Variants in MGAT5 observed in about 807,000 individuals in gnomAD.
The protein encoded by MGAT5 is alpha-1,6-mannosylglycoprotein 6-beta-N-acetylglucosaminyltransferase.
A neutral mutation model predicts 94.3 loss-of-function variants in MGAT5; 30 were observed. That is an observed-to-expected ratio of 0.32 (90% CI 0.24 to 0.43). The LOEUF (loss-of-function observed/expected upper bound fraction) is 0.43. Among genes scored for constraint, MGAT5 ranks in the 20% least tolerant of loss-of-function variants. MGAT5 has a pLI of 1.00. For synonymous variants in MGAT5, 310 were observed against 322.9 expected (o/e 0.96, Z 0.43); for missense variants, 691 against 905.5 (o/e 0.76, Z 3.04).
chr2:134,190,733 C>T (rs1689325592), intron 1 of MGAT5, among the ~76,000 whole-genome samples: 1 of 152,086 alleles, frequency 6.6e-6, no homozygotes, highest in African/African-American at 2.4e-5. Flanking sequence ...CAGCCTCAAC[C>T]TCCCCAGGCT....
chr2:134,332,913 A>G (rs1178330025), intron 4 of MGAT5, among the ~76,000 whole-genome samples: 23 of 152,246 alleles, frequency 1.5e-4, no homozygotes, highest in Admixed American at 1.3e-3. Flanking sequence ...TAGAATGGCA[A>G]TCATTAAAAA....
At chr2:134,248,494 G>A (rs1333899858) in intron 1 of MGAT5, among the ~76,000 whole-genome samples, 2 of 152,214 alleles carry the variant, frequency 1.3e-5, no homozygotes, top group African/African-American at 4.8e-5. Context: ...TTGGAGGCTG[G>A]AGATGTGGGT....
At chr2:134,263,316 G>A (rs1390127367) in intron 1 of MGAT5, among the ~76,000 whole-genome samples, 1 of 152,140 alleles carries the variant, frequency 6.6e-6, no homozygotes, top group East Asian at 1.9e-4. Flanking sequence ...ATCATCAACA[G>A]GCCTAGAAAG....
chr2:134,208,982 G>A (rs995679345), intron 1 of MGAT5, among the ~76,000 whole-genome samples: 8 of 152,158 alleles, frequency 5.3e-5, no homozygotes, highest in African/African-American at 9.7e-5. Flanking sequence ...GTTTCCTGGT[G>A]TTCTGTTACA....
chr2:134,394,084 A>T (rs111459433), intron 10 of MGAT5, among the ~76,000 whole-genome samples: 2 of 152,174 alleles, frequency 1.3e-5, no homozygotes, highest in Non-Finnish European at 2.9e-5. Context: ...TGGTTTCCCA[A>T]TGAAACTGGG....
At chr2:134,153,618 ATGT>A (rs1687331977) in intron 1 of MGAT5, among the ~76,000 whole-genome samples, 2 of 152,130 alleles carry the variant, frequency 1.3e-5, no homozygotes, top group African/African-American at 4.8e-5. Context: ...TTTCCAGCCC[ATGT>A]TGTTATTAAT....
Position 134,447,628 on chromosome 2 carries a change from C to T in MGAT5, c.2028-1021C>T, listed in dbSNP as rs1041430144. Among the ~76,000 whole-genome samples, 87 of 152,224 alleles carry T rather than the reference C, an allele frequency of 5.7e-4. 2 individuals are homozygous for T. The highest frequency in any genetic ancestry group is 2.4e-4 in the Non-Finnish European group (16 of 68,044). On this transcript the variant is annotated intron_variant, in intron 15 of 15. Transcript: ENST00000281923. ...TCAGATACAGCATGGGTTCCCACCT[C>T]GCATTCATGCAGGACACCAGGTGAG...
chr2:134,410,560 A>G (rs1372035639), intron 11 of MGAT5, among the ~76,000 whole-genome samples: 1 of 152,234 alleles, frequency 6.6e-6, no homozygotes, highest in Non-Finnish European at 1.5e-5. Context: ...TGGTGCCCAC[A>G]GGGCAGAAGA....
At chr2:134,355,866 A>G (rs115222294) in intron 9 of MGAT5, among the ~76,000 whole-genome samples, 3,077 of 152,274 alleles carry the variant, frequency 0.02, 113 homozygotes, top group African/African-American at 0.069. Context: ...GAAAGTAGCA[A>G]TAGCAGGCAT....
intron 1 of MGAT5, among the ~76,000 whole-genome samples, chr2:134,179,986 A>G (rs140974492): frequency 2.1e-3 from 323 of 152,318 alleles, no homozygotes; most frequent in African/African-American, 7.5e-3. Context: ...GCGAATAATA[A>G]TGCATTGCAT....
chr2:134,143,038 C>T (rs553655778), intron 1 of MGAT5, among the ~76,000 whole-genome samples: 43 of 152,172 alleles, frequency 2.8e-4, no homozygotes, highest in Admixed American at 1.8e-3. Flanking sequence ...GTGAGACAGG[C>T]CCTCCTCAAG....
At chr2:134,275,407 A>G (rs1403894454) in intron 2 of MGAT5, among the ~76,000 whole-genome samples, 2 of 152,130 alleles carry the variant, frequency 1.3e-5, no homozygotes, top group African/African-American at 4.8e-5. Context: ...TTGTGTGGTC[A>G]AGGATATTTT....
At chr2:134,271,885 T>TG (rs1684050939) in intron 2 of MGAT5, among the ~76,000 whole-genome samples, 1 of 152,162 alleles carries the variant, frequency 6.6e-6, no homozygotes, top group South Asian at 2.1e-4. Flanking sequence ...AGTCTCCACT[T>TG]GCCACCCCTG....
chr2:134,175,226 T>A (rs1688403583), intron 1 of MGAT5, among the ~76,000 whole-genome samples: 1 of 152,252 alleles, frequency 6.6e-6, no homozygotes. Context: ...GTCTAAATAT[T>A]TTAAATATTT....
intron 11 of MGAT5, among the ~76,000 whole-genome samples, chr2:134,406,388 A>C (rs752998641): frequency 1.3e-5 from 2 of 152,130 alleles, no homozygotes; most frequent in African/African-American, 2.4e-5. Context: ...CACCTCTCCA[A>C]GACTTGGCTG....
intron 1 of MGAT5, among the ~76,000 whole-genome samples, chr2:134,189,607 T>TTTTTTTTTTTTTTTTTTTTTTTTTTTTG (rs1553490420): frequency 7.4e-5 from 6 of 80,616 alleles, no homozygotes; most frequent in Non-Finnish European, 1.4e-4. Context: ...TTTTTGTTTT[T>TTTTTTTTTTTTTTTTTTTTTTTTTTTTG]TTTTTTTTTT....
intron 11 of MGAT5, among the ~76,000 whole-genome samples, chr2:134,405,589 CT>C (rs1425495714): frequency 6.6e-6 from 1 of 152,216 alleles, no homozygotes; most frequent in Non-Finnish European, 1.5e-5. Flanking sequence ...GCGATTTATT[CT>C]AATCCACATT....
At chr2:134,376,115 C>G (rs1433605044) in intron 10 of MGAT5, among the ~76,000 whole-genome samples, 2 of 152,152 alleles carry the variant, frequency 1.3e-5, no homozygotes, top group African/African-American at 4.8e-5. Flanking sequence ...GCCAGCACAC[C>G]GACAATGAAT....
intron 9 of MGAT5, among the ~76,000 whole-genome samples, chr2:134,359,740 GA>G (rs1235478248): frequency 6.6e-6 from 1 of 152,190 alleles, no homozygotes; most frequent in Non-Finnish European, 1.5e-5. Context: ...TGAACTCAAT[GA>G]AATGAACATT....
Sources: allele counts gnomAD v4.1 joint callset (sites outside exome capture counted in the v4.1 genomes callset), GRCh38; gene constraint gnomAD v4.1.1; transcripts MANE v1.5; gene names NCBI Gene and HGNC (gene_info 2026-07-23, HGNC 2026-07-21).